The following USP40 variants were observed in gnomAD, a reference collection of about 807,000 sequenced individuals.
USP40 encodes the protein ubiquitin carboxyl-terminal hydrolase 40.
Under a neutral mutation model 166.2 loss-of-function variants are expected in USP40, and 143 were observed. The ratio of observed to expected loss-of-function variants is 0.86; its 90% CI spans 0.75 to 0.99. The LOEUF (loss-of-function observed/expected upper bound fraction) is 0.99. USP40 is among the 50% of genes least tolerant of loss of function. The pLI, the probability that USP40 is intolerant of heterozygous loss-of-function variation, is 0.00. For synonymous variants in USP40, 498 were observed against 524.0 expected (o/e 0.95, Z 0.68); for missense variants, 1,444 against 1,479.7 (o/e 0.98, Z 0.40).
At chr2:233,484,622 C>G (rs2064830391) in intron 30 of USP40, among the ~76,000 whole-genome samples, 1 of 152,050 alleles carries the variant, frequency 6.6e-6, no homozygotes, top group Non-Finnish European at 1.5e-5. Context: ...GCTGGGACTA[C>G]AGGTGTGTGC....
At chr2:233,562,426 GA>G (rs1367441535) in intron 3 of USP40, among the ~76,000 whole-genome samples, 13 of 151,108 alleles carry the variant, frequency 8.6e-5, no homozygotes, top group Non-Finnish European at 1.8e-4. Context: ...GGACATGGAT[GA>G]AATTGGAAAT....
chr2:233,489,576 G>A, intron 26 of USP40, 93 bp from the exon 27 acceptor site: 1 of 947,730 alleles, frequency 1.1e-6, no homozygotes, highest in Non-Finnish European at 1.6e-6. Flanking sequence ...ACTACACAGT[G>A]GCATCTCAAG....
At chr2:233,556,504 C>T (rs2071111859) in intron 5 of USP40, 1 of 156,754 alleles carries the variant, frequency 6.4e-6, no homozygotes. Context: ...TCAGTATTAT[C>T]TATTTTTATT....
chr2:233,524,798 A>G (rs1322876173), intron 14 of USP40, among the ~76,000 whole-genome samples: 1 of 152,218 alleles, frequency 6.6e-6, no homozygotes, highest in Admixed American at 6.5e-5. Flanking sequence ...GGTCAAGTGT[A>G]CTTGAGGCAC....
chr2:233,533,387 T>A, intron 11 of USP40, 92 bp downstream of exon 11: 2 of 1,341,550 alleles, frequency 1.5e-6, no homozygotes, highest in Non-Finnish European at 2.0e-6. Flanking sequence ...AGAGTAAACC[T>A]TTTTTTAAAA....
At chr2:233,490,917 G>T in intron 26 of USP40, 1 of 601,746 alleles carries the variant, frequency 1.7e-6, no homozygotes, top group South Asian at 1.7e-5. Flanking sequence ...AACAAAAGCC[G>T]CAAGTCACTG....
intron 21 of USP40, among the ~76,000 whole-genome samples, chr2:233,502,167 G>C (rs1165835370): frequency 1.3e-5 from 2 of 152,174 alleles, no homozygotes; most frequent in African/African-American, 4.8e-5. Flanking sequence ...GGGGTTCAAC[G>C]GAGTACAGAA....
rs1448610989 is a variant in USP40 at position 233,548,982 on chromosome 2, C to T, written c.966+119G>A. 1.5e-5 allele frequency: 13 copies of T among 877,644 alleles called. 1 individual carries two copies. In the South Asian group the frequency reaches 3.1e-4, roughly 21 times the overall value. 54.4% of individuals were successfully genotyped at this position (877,644 alleles called of 1,614,324 possible). A position where few individuals can be genotyped will look rare whatever the true frequency, so the allele number is the denominator to read the frequency against. ...CTTGTATCTGTATTAACTTTCAGTG[C>T]CTATCAAAGTTTTCTATAGAGTGGA... On this transcript the variant is annotated intron_variant, in intron 8 of 31. Coordinates refer to ENST00000678225, the MANE Select transcript of USP40 (RefSeq NM_001365479.2).
rs191046408 is a variant in USP40, at chr2:233,477,303, G to A, written c.*89C>T. 380 of 1,220,372 alleles carry A rather than the reference G, an allele frequency of 3.1e-4. 1 individual carries two copies. The African/African-American group carries it at 5.1e-3, about 16-fold the overall frequency. The allele number at this position is 1,220,372 out of a possible 1,614,324, so 75.6% of individuals were successfully genotyped here. A position where few individuals can be genotyped will look rare whatever the true frequency, so the allele number is the denominator to read the frequency against. On this transcript the variant is annotated 3_prime_UTR_variant, in exon 32 of 32. Coordinates refer to ENST00000678225, the MANE Select transcript of USP40 (RefSeq NM_001365479.2). ...AAGCAGAGGATTTGGGATTGGAGGC[G>A]CCAGGCAGCCAGTCCCCATGCCCAG...
intron 10 of USP40, among the ~76,000 whole-genome samples, chr2:233,536,981 C>T (rs897908653): frequency 9.2e-5 from 14 of 152,032 alleles, no homozygotes; most frequent in African/African-American, 3.1e-4. Context: ...GACTCTTGGG[C>T]TTAAGCAATC....
In USP40 at chr2:233,476,459, A is replaced by C. The variant is rs1432866632; in HGVS notation, c.*933T>G. ...GTTGAATAGAAATCTGGGTTGGATT[A>C]AGTGGGAAAACCCTTCCTTAGTTTA... is the stretch of plus-strand genomic sequence containing the variant. On this transcript the variant is annotated 3_prime_UTR_variant, in exon 32 of 32. Coordinates refer to ENST00000678225, the MANE Select transcript of USP40 (RefSeq NM_001365479.2). The C allele has an allele frequency of 2.0e-5, 3 of 152,400 alleles. No individual in the cohort carries two copies. Among genetic ancestry groups the C allele is most frequent in the African/African-American group, 7.2e-5 (3 of 41,470 alleles). The allele number at this position is 152,400 out of a possible 1,614,324, so 9.4% of individuals were successfully genotyped here.
chr2:233,509,358 A>G (rs2066639987), intron 21 of USP40, among the ~76,000 whole-genome samples: 1 of 152,196 alleles, frequency 6.6e-6, no homozygotes, highest in African/African-American at 2.4e-5. Context: ...ACACACATAT[A>G]TACAAACATT....
chr2:233,509,089 G>A (rs2066622340), intron 21 of USP40, among the ~76,000 whole-genome samples: 1 of 152,096 alleles, frequency 6.6e-6, no homozygotes, highest in African/African-American at 2.4e-5. Flanking sequence ...GTAGAAAATG[G>A]TATTTGGCAG....
intron 10 of USP40, among the ~76,000 whole-genome samples, chr2:233,535,151 C>T (rs151247309): frequency 3.9e-5 from 6 of 152,228 alleles, no homozygotes; most frequent in Middle Eastern, 3.4e-3. Context: ...CGAGATCCCA[C>T]GAAGGAGCCC....
rs1321649747 is a variant in USP40 at position 233,486,319 on chromosome 2, A to T, written c.3198-342T>A. Among the ~76,000 whole-genome samples the T allele has an allele frequency of 6.6e-6, 1 of 152,180 alleles. No homozygotes were observed. The highest frequency in any genetic ancestry group is 1.5e-5 in the Non-Finnish European group (1 of 68,030). On this transcript the variant is annotated intron_variant, in intron 28 of 31. Transcript: ENST00000678225. The surrounding 1 kb of genome is among the most constrained non-coding windows in gnomAD (Gnocchi z 4.0). ...CAGGGTGAGAGAGGCCTGGCTTGAT[A>T]GCCCGGCAGCTGGCAGGAGGAGAGC...
chr2:233,509,297 T>C (rs150036288), intron 21 of USP40, among the ~76,000 whole-genome samples: 1 of 152,188 alleles, frequency 6.6e-6, no homozygotes, highest in African/African-American at 2.4e-5. Flanking sequence ...TTTCCAATAC[T>C]AAAGGTCTCA....
chr2:233,508,101 T>C (rs893749888), intron 21 of USP40, among the ~76,000 whole-genome samples: 3 of 152,198 alleles, frequency 2.0e-5, no homozygotes, highest in African/African-American at 4.8e-5. Flanking sequence ...CCAGAATTTT[T>C]TGAAGCAAAT....
At chr2:233,564,195 A>T (rs965623635) in intron 2 of USP40, among the ~76,000 whole-genome samples, 1 of 152,208 alleles carries the variant, frequency 6.6e-6, no homozygotes. Context: ...CTCTGGAGGC[A>T]GCAAGTCTTT....
chr2:233,523,831 C>T (rs2067825958), intron 15 of USP40, among the ~76,000 whole-genome samples: 2 of 152,052 alleles, frequency 1.3e-5, no homozygotes, highest in Non-Finnish European at 2.9e-5. Flanking sequence ...TACCTCCAAA[C>T]CACCCCCACT....
Sources: gnomAD v4.1 joint callset for allele counts (sites outside exome capture counted in the v4.1 genomes callset) on GRCh38, gnomAD v4.1.1 for gene constraint, Gnocchi (gnomAD v3.1) non-coding constraint, MANE v1.5 for transcripts, NCBI Gene and HGNC (gene_info 2026-07-23, HGNC 2026-07-21) for gene names.